Variants in PLXDC2 observed in about 807,000 individuals in gnomAD.
PLXDC2 encodes plexin domain-containing protein 2.
In PLXDC2, 40 loss-of-function variants were observed where a neutral mutation model predicts 68.9. That is an observed-to-expected ratio of 0.58 (90% CI 0.45 to 0.76). The LOEUF is 0.76. PLXDC2 is among the 30% of genes least tolerant of loss of function. The pLI is 0.00. For synonymous variants in PLXDC2, 243 were observed against 234.2 expected (o/e 1.04, Z -0.34); for missense variants, 644 against 661.9 (o/e 0.97, Z 0.30).
intron 12 of PLXDC2, among the ~76,000 whole-genome samples, chr10:20,240,178 G>T (rs993396593): frequency 2.6e-5 from 4 of 152,282 alleles, no homozygotes; most frequent in Admixed American, 6.5e-5. Flanking sequence ...AGAACATAGG[G>T]TATTTGGCTT....
chr10:19,914,188 T>A (rs1288445060), intron 1 of PLXDC2, among the ~76,000 whole-genome samples: 2 of 151,896 alleles, frequency 1.3e-5, no homozygotes, highest in Non-Finnish European at 2.9e-5. Flanking sequence ...TGAAATTACT[T>A]TGAGAATCAT....
chr10:19,969,393 T>C (rs576428919), intron 1 of PLXDC2, among the ~76,000 whole-genome samples: 1 of 152,254 alleles, frequency 6.6e-6, no homozygotes, highest in East Asian at 1.9e-4. Context: ...CTTTCTGACA[T>C]GATATTCCAC....
chr10:19,938,977 G>A (rs1325660869), intron 1 of PLXDC2, among the ~76,000 whole-genome samples: 1 of 152,040 alleles, frequency 6.6e-6, no homozygotes, highest in Non-Finnish European at 1.5e-5. Flanking sequence ...AGGATAGAGT[G>A]GGCATGAAAA....
chr10:20,192,405 A>G (rs1834778538), intron 9 of PLXDC2, among the ~76,000 whole-genome samples: 1 of 152,118 alleles, frequency 6.6e-6, no homozygotes, highest in Non-Finnish European at 1.5e-5. Context: ...CTTTGAAAAT[A>G]ATTGAGGTTA....
intron 1 of PLXDC2, among the ~76,000 whole-genome samples, chr10:19,985,056 T>A (rs1037793169): frequency 6.6e-6 from 1 of 152,228 alleles, no homozygotes; most frequent in Non-Finnish European, 1.5e-5. Context: ...CTTGAGCATC[T>A]TCTACAGCTG....
chr10:19,958,331 C>T (rs910092694), intron 1 of PLXDC2, among the ~76,000 whole-genome samples: 2 of 152,010 alleles, frequency 1.3e-5, no homozygotes, highest in Non-Finnish European at 2.9e-5. Context: ...GGAAAGTGAA[C>T]GTTTAGATTC....
At chr10:20,019,105 C>T (rs1341481153) in intron 2 of PLXDC2, among the ~76,000 whole-genome samples, 1 of 152,142 alleles carries the variant, frequency 6.6e-6, no homozygotes. Flanking sequence ...CATAGAGAGA[C>T]AGCGTATCAA....
chr10:20,031,375 A>G (rs924999889), intron 2 of PLXDC2, among the ~76,000 whole-genome samples: 3 of 152,292 alleles, frequency 2.0e-5, no homozygotes, highest in Admixed American at 2.0e-4. Context: ...ATTAAAAAAA[A>G]AAAGTCACAG....
chr10:20,029,126 C>T (rs1401840598), intron 2 of PLXDC2, among the ~76,000 whole-genome samples: 1 of 152,116 alleles, frequency 6.6e-6, no homozygotes, highest in African/African-American at 2.4e-5. Context: ...AGGTTTAATG[C>T]TCTTACTTCT....
intron 13 of PLXDC2, among the ~76,000 whole-genome samples, chr10:20,251,453 G>T (rs1332321526): frequency 5.9e-5 from 9 of 151,976 alleles, no homozygotes; most frequent in Non-Finnish European, 1.0e-4. Flanking sequence ...CTTTTTGGAA[G>T]GGTCAATATA....
At chr10:20,044,582 T>C (rs1403976403) in intron 2 of PLXDC2, among the ~76,000 whole-genome samples, 1 of 152,002 alleles carries the variant, frequency 6.6e-6, no homozygotes, top group East Asian at 1.9e-4. Context: ...AGTGTTGTGA[T>C]TACAGGCATG....
chr10:20,082,953 A>ATGTG (rs1836597010), intron 4 of PLXDC2, among the ~76,000 whole-genome samples: 3 of 152,190 alleles, frequency 2.0e-5, no homozygotes, highest in Middle Eastern at 3.4e-3. Flanking sequence ...ACATATATGT[A>ATGTG]TGTATGTATG....
intron 1 of PLXDC2, among the ~76,000 whole-genome samples, chr10:19,829,271 T>C (rs1836638566): frequency 1.3e-5 from 2 of 150,346 alleles, no homozygotes; most frequent in Non-Finnish European, 3.0e-5. Context: ...CATTTGACTA[T>C]AAACTGCCTT....
At chr10:20,133,931 A>C (rs527560280) in intron 4 of PLXDC2, among the ~76,000 whole-genome samples, 2 of 152,212 alleles carry the variant, frequency 1.3e-5, no homozygotes, top group South Asian at 4.1e-4. Flanking sequence ...TACCAGGTAA[A>C]TTTAAATGCT....
chr10:19,931,952 A>AGTGTGTGTGTGTGTGTGTGTGTGTGT (rs33953625), intron 1 of PLXDC2, among the ~76,000 whole-genome samples: 1 of 149,626 alleles, frequency 6.7e-6, no homozygotes, highest in Admixed American at 6.7e-5. Context: ...TAATTTGGGA[A>AGTGTGTGTGTGTGTGTGTGTGTGTGT]GTGTGTGTGT....
intron 1 of PLXDC2, among the ~76,000 whole-genome samples, chr10:19,879,641 A>T (rs1403595068): frequency 6.6e-6 from 1 of 152,202 alleles, no homozygotes; most frequent in Non-Finnish European, 1.5e-5. Flanking sequence ...AATTCATTGC[A>T]CACACATGAA....
intron 1 of PLXDC2, among the ~76,000 whole-genome samples, chr10:19,930,057 A>G (rs891999754): frequency 2.6e-5 from 4 of 152,052 alleles, no homozygotes; most frequent in Non-Finnish European, 5.9e-5. Flanking sequence ...TTTCCTCCCT[A>G]GAATTTCATT....
At chr10:20,218,976 C>T in intron 11 of PLXDC2, 88 bp from the exon 12 acceptor site, 13 of 1,403,018 alleles carry the variant, frequency 9.3e-6, no homozygotes, top group Non-Finnish European at 1.3e-5. Context: ...CCGACCAAGG[C>T]AGTTAGTAGA....
intron 1 of PLXDC2, among the ~76,000 whole-genome samples, chr10:19,911,255 T>C (rs963675137): frequency 7.9e-5 from 12 of 151,924 alleles, no homozygotes; most frequent in African/African-American, 2.7e-4. Flanking sequence ...GTGTTGATCA[T>C]TCTGAGATAG....
Sources: allele counts gnomAD v4.1 joint callset (sites outside exome capture counted in the v4.1 genomes callset), GRCh38; gene constraint gnomAD v4.1.1; transcripts MANE v1.5; gene names NCBI Gene and HGNC (gene_info 2026-07-23, HGNC 2026-07-21).